Variants in AGBL1 observed in about 807,000 individuals in gnomAD.
AGBL1 encodes AGBL carboxypeptidase 1, also known as cytosolic carboxypeptidase 4.
A neutral mutation model predicts 118.9 loss-of-function variants in AGBL1; 130 were observed. The ratio of observed to expected loss-of-function variants is 1.09; its 90% CI spans 0.95 to 1.26. The LOEUF (loss-of-function observed/expected upper bound fraction) is 1.26, where lower values mean the gene tolerates loss of function less well. AGBL1 is among the 50% of genes most tolerant of loss of function. The pLI is 0.00. For synonymous variants in AGBL1, 555 were observed against 478.9 expected, an observed-to-expected ratio of 1.16 and a Z score of -2.08; for missense variants, 1,584 against 1,298.1, an observed-to-expected ratio of 1.22 and a Z score of -3.38.
At chr15:86,162,448 A>G (rs1044622783) in intron 5 of AGBL1, among the ~76,000 whole-genome samples, 11 of 152,288 alleles carry the variant, frequency 7.2e-5, no homozygotes, top group African/African-American at 2.6e-4. Flanking sequence ...CAAGATTTAC[A>G]ACAGAAGCTC....
At chr15:86,797,318 T>C (rs1469930255) in intron 22 of AGBL1, among the ~76,000 whole-genome samples, 2 of 152,192 alleles carry the variant, frequency 1.3e-5, no homozygotes, top group Non-Finnish European at 2.9e-5. Flanking sequence ...AGATTCCTCT[T>C]TACATCCCAG....
At chr15:86,385,011 C>T (rs1213015494) in intron 17 of AGBL1, among the ~76,000 whole-genome samples, 1 of 152,058 alleles carries the variant, frequency 6.6e-6, no homozygotes, top group Non-Finnish European at 1.5e-5. Context: ...AGCAAGCTGG[C>T]AGAGGGTCTA....
intron 18 of AGBL1, among the ~76,000 whole-genome samples, chr15:86,432,167 T>C (rs1328127449): frequency 6.6e-6 from 1 of 152,214 alleles, no homozygotes; most frequent in Non-Finnish European, 1.5e-5. Context: ...GACAAACAAC[T>C]ACATACATGT....
intron 18 of AGBL1, among the ~76,000 whole-genome samples, chr15:86,449,381 T>G (rs529680083): frequency 1.3e-5 from 2 of 152,300 alleles, no homozygotes; most frequent in South Asian, 4.1e-4. Context: ...TGGCTGTCTT[T>G]CAAGTGGGTT....
At chr15:86,781,917 A>G (rs892400658) in intron 22 of AGBL1, among the ~76,000 whole-genome samples, 46 of 151,978 alleles carry the variant, frequency 3.0e-4, no homozygotes, top group African/African-American at 1.1e-3. Context: ...TGTTATAGCT[A>G]TTAACAGAAT....
chr15:86,206,051 T>C (rs8041719), intron 5 of AGBL1, among the ~76,000 whole-genome samples: 70,505 of 151,936 alleles, frequency 0.46, 16,932 homozygotes, highest in South Asian at 0.67. Context: ...TGTTCGATTC[T>C]GACATATGAG....
intron 17 of AGBL1, among the ~76,000 whole-genome samples, chr15:86,339,274 A>C (rs927942745): frequency 9.2e-5 from 14 of 152,118 alleles, no homozygotes; most frequent in African/African-American, 3.4e-4. Flanking sequence ...GTCTTCAAGA[A>C]CTTTTTTCTT....
chr15:86,706,130 CTA>C (rs1345555644), intron 22 of AGBL1, among the ~76,000 whole-genome samples: 2 of 151,860 alleles, frequency 1.3e-5, no homozygotes, highest in Non-Finnish European at 2.9e-5. Context: ...TAAAATTTGT[CTA>C]TATGGATTAT....
rs137973637 is a variant in AGBL1 at position 86,792,412 on chromosome 15, A to G, written c.3159-114675A>G. On this transcript the variant is annotated intron_variant, in intron 22 of 22. Transcript: ENST00000614907. ...TTTGGAAAGTGTCATTCCAAATACT[A>G]GACAGCAAAGATGTCAAGCAAGGAA... is the stretch of plus-strand genomic sequence containing the variant. Among the ~76,000 whole-genome samples, 14 of 152,356 alleles carry G rather than the reference A, an allele frequency of 9.2e-5. No homozygotes were observed. The East Asian group carries it at 2.7e-3, about 29-fold the overall frequency.
rs575087193 is a variant in AGBL1, at chr15:86,997,053, T to C, written c.3323+8965T>C. On this transcript the variant is annotated intron_variant, in intron 24 of 24. Transcript: ENST00000441037. ...TAAGAAGAAAGAAAAAAAAGAGACATGAATAGCCTTTTTTTCTTTCCTGTT... is the reference window on the plus strand; with the variant it reads ...TAAGAAGAAAGAAAAAAAAGAGACACGAATAGCCTTTTTTTCTTTCCTGTT... 4.7e-4 allele frequency among the ~76,000 whole-genome samples: 70 copies of C among 149,692 alleles called. 1 individual carries two copies. The highest frequency in any genetic ancestry group is 1.7e-3 in the African/African-American group (67 of 39,418).
At position 86,909,493 on chromosome 15, in the gene AGBL1, GTC is replaced by G. The variant is rs1325796490; in HGVS notation, c.*2203_*2204del. 1 of 152,188 alleles carries G rather than the reference GTC, an allele frequency of 6.6e-6. No homozygotes were observed. The highest frequency in any genetic ancestry group is 1.5e-5 in the Non-Finnish European group (1 of 68,042). The allele number at this position is 152,188 out of a possible 1,614,324, so 9.4% of individuals were successfully genotyped here. ...TTGGGAGTTGATAACATTATTAATA[GTC>G]TCTTATTTTTTTAACTCTTTTCCAA... On this transcript the variant is annotated 3_prime_UTR_variant, in exon 23 of 23. Transcript: ENST00000614907.
chr15:86,775,538 T>C (rs1488768569), intron 22 of AGBL1, among the ~76,000 whole-genome samples: 1 of 152,104 alleles, frequency 6.6e-6, no homozygotes, highest in Non-Finnish European at 1.5e-5. Flanking sequence ...TGAAAAGAGC[T>C]GTCAATATCT....
rs147209289 is a variant in AGBL1, at chr15:86,984,611, G to A, written c.3222-3376G>A. On this transcript the variant is annotated intron_variant, in intron 23 of 24. Transcript: ENST00000441037. ...GAACACCTGACCTTGTGATCCACCCGCCTCAGCCTCCCAAAGTGCTGGGGT... is the reference window on the plus strand; with the variant it reads ...GAACACCTGACCTTGTGATCCACCCACCTCAGCCTCCCAAAGTGCTGGGGT... 7.5e-3 allele frequency among the ~76,000 whole-genome samples: 1,136 copies of A among 152,072 alleles called. 20 individuals carry two copies. Among genetic ancestry groups the A allele is most frequent in the African/African-American group, 0.024 (977 of 41,492 alleles).
chr15:86,315,222 T>G (rs1016804097), intron 17 of AGBL1, among the ~76,000 whole-genome samples: 1 of 152,192 alleles, frequency 6.6e-6, no homozygotes, highest in Non-Finnish European at 1.5e-5. Context: ...GGCAAGCTAC[T>G]GAAATGTAAT....
chr15:86,225,021 C>G, intron 6 of AGBL1, 70 bp downstream of exon 6: 1 of 1,462,828 alleles, frequency 6.8e-7, no homozygotes, highest in Non-Finnish European at 9.3e-7. Context: ...TTTCTGGTCC[C>G]CATGGCTGTT....
chr15:87,024,031 T>C (rs2081697546), intron 24 of AGBL1, among the ~76,000 whole-genome samples: 1 of 151,714 alleles, frequency 6.6e-6, no homozygotes, highest in Non-Finnish European at 1.5e-5. Flanking sequence ...TCAAAAAGTC[T>C]AAAAGAGCAC....
chr15:86,193,595 G>A (rs1273902656), intron 5 of AGBL1, among the ~76,000 whole-genome samples: 1 of 152,144 alleles, frequency 6.6e-6, no homozygotes, highest in Non-Finnish European at 1.5e-5. Flanking sequence ...CAGAGTGGGG[G>A]ACTGCATCTG....
intron 23 of AGBL1, among the ~76,000 whole-genome samples, chr15:86,966,449 A>G (rs1047581752): frequency 9.9e-5 from 15 of 152,002 alleles, no homozygotes; most frequent in African/African-American, 3.1e-4. Flanking sequence ...AACATGAGGT[A>G]TATCTCCTAA....
At chr15:86,460,827 T>G (rs2082325893) in intron 18 of AGBL1, among the ~76,000 whole-genome samples, 1 of 152,180 alleles carries the variant, frequency 6.6e-6, no homozygotes, top group Non-Finnish European at 1.5e-5. Flanking sequence ...CATCCTTTCC[T>G]GGGTTCCTAG....
Sources: gnomAD v4.1 joint callset for allele counts (sites outside exome capture counted in the v4.1 genomes callset) on GRCh38, gnomAD v4.1.1 for gene constraint, MANE v1.5 for transcripts, NCBI Gene and HGNC (gene_info 2026-07-23, HGNC 2026-07-21) for gene names.